NKAIN2: variants seen among roughly 807,000 people sequenced by gnomAD.
NKAIN2 encodes sodium/potassium-transporting ATPase subunit beta-1-interacting protein 2.
NKAIN2 carries 14 observed loss-of-function variants against 32.6 expected under a neutral mutation model. The observed-to-expected ratio is 0.43, with a 90% CI of 0.28 to 0.67. The LOEUF (loss-of-function observed/expected upper bound fraction) is 0.67, where lower values mean the gene tolerates loss of function less well. NKAIN2 is among the 30% of genes least tolerant of loss of function. The pLI, the probability that NKAIN2 is intolerant of heterozygous loss-of-function variation, is 0.17. For missense variants in NKAIN2, 198 were observed against 258.3 expected, an observed-to-expected ratio of 0.77 and a Z score of 1.60; for synonymous variants, 80 against 87.2, an observed-to-expected ratio of 0.92 and a Z score of 0.46.
At chr6:123,852,795 C>A (rs1775404954) in intron 1 of NKAIN2, among the ~76,000 whole-genome samples, 1 of 152,078 alleles carries the variant, frequency 6.6e-6, no homozygotes, top group Admixed American at 6.5e-5. Context: ...AAATCAAATT[C>A]TTCTTATCCC....
chr6:124,085,762 A>G (rs1376187872), intron 1 of NKAIN2, among the ~76,000 whole-genome samples: 2 of 151,898 alleles, frequency 1.3e-5, no homozygotes, highest in Non-Finnish European at 2.9e-5. Flanking sequence ...GAGCTCTGCA[A>G]TGTGTCTGGC....
At chr6:124,690,947 A>C (rs575288669) in intron 4 of NKAIN2, among the ~76,000 whole-genome samples, 8 of 152,092 alleles carry the variant, frequency 5.3e-5, no homozygotes, top group Non-Finnish European at 1.2e-4. Flanking sequence ...CATTCTCTCC[A>C]ATCTACCCTC....
intron 3 of NKAIN2, among the ~76,000 whole-genome samples, chr6:124,514,141 T>A (rs989610626): frequency 6.6e-6 from 1 of 152,202 alleles, no homozygotes; most frequent in African/African-American, 2.4e-5. Flanking sequence ...AAAACTGGCA[T>A]GGGAGATGAT....
At position 124,283,121 on chromosome 6, in the gene NKAIN2, T is replaced by C. The variant is rs765015580; in HGVS notation, c.171T>C (p.Tyr57=). The C allele has an allele frequency of 1.9e-6, 3 of 1,607,938 alleles. No individual in the cohort carries two copies. Among genetic ancestry groups the C allele is most frequent in the South Asian group, 1.1e-5 (1 of 90,926 alleles). ...VILGLFGTIQ[Y]RPRYITGYAV... ...TTGGTTTGTTTGGAACTATTCAATA[T>C]AGACCTCGTTACATAACAGGAGTAA... Residue 57 remains tyrosine (Y), a synonymous_variant, in exon 2 of 7, where the codon TAT becomes TAC. Coordinates refer to ENST00000368417, the MANE Select transcript of NKAIN2 (RefSeq NM_001040214.3).
At chr6:124,347,798 G>A (rs1025162268) in intron 2 of NKAIN2, among the ~76,000 whole-genome samples, 1 of 152,136 alleles carries the variant, frequency 6.6e-6, no homozygotes, top group Non-Finnish European at 1.5e-5. Flanking sequence ...CTGTAGCTCG[G>A]AGCAGTTTGA....
intron 4 of NKAIN2, among the ~76,000 whole-genome samples, chr6:124,733,496 A>T (rs541727909): frequency 4.6e-5 from 7 of 152,030 alleles, no homozygotes; most frequent in African/African-American, 1.4e-4. Context: ...GAAACTGTAC[A>T]TAAGCACTGT....
intron 4 of NKAIN2, among the ~76,000 whole-genome samples, chr6:124,747,143 G>A (rs957679589): frequency 1.3e-5 from 2 of 151,798 alleles, no homozygotes; most frequent in African/African-American, 2.4e-5. Context: ...TAATAGCCCT[G>A]TAAGTTTTGC....
Position 124,531,973 on chromosome 6 carries a change from T to G in NKAIN2, c.274-126213T>G, listed in dbSNP as rs112456271. Among the ~76,000 whole-genome samples, 483 of 152,276 alleles carry G rather than the reference T, an allele frequency of 3.2e-3. 2 individuals are homozygous for G. Among genetic ancestry groups the G allele is most frequent in the Non-Finnish European group, 5.3e-3 (362 of 68,010 alleles). Reference sequence around the variant, plus strand: ...GGCGTGAACCACCCAGCCTGGCCTATAAGTCACTTTTAAAGTCTCTGGTCT... The same window carrying G: ...GGCGTGAACCACCCAGCCTGGCCTAGAAGTCACTTTTAAAGTCTCTGGTCT... On this transcript the variant is annotated intron_variant, in intron 3 of 6. Coordinates refer to ENST00000368417, the MANE Select transcript of NKAIN2 (RefSeq NM_001040214.3).
intron 1 of NKAIN2, among the ~76,000 whole-genome samples, chr6:124,255,448 C>G (rs1223268054): frequency 1.3e-5 from 2 of 152,170 alleles, no homozygotes; most frequent in Non-Finnish European, 2.9e-5. Context: ...TACCTCCTCA[C>G]TCTGTAAAGA....
intron 3 of NKAIN2, among the ~76,000 whole-genome samples, chr6:124,410,325 G>A (rs186305547): frequency 1.3e-5 from 2 of 152,170 alleles, no homozygotes; most frequent in East Asian, 3.9e-4. Context: ...TCTCTTGTGG[G>A]CATTTAGTGC....
At chr6:124,080,595 C>A (rs1478073997) in intron 1 of NKAIN2, among the ~76,000 whole-genome samples, 1 of 152,048 alleles carries the variant, frequency 6.6e-6, no homozygotes, top group East Asian at 1.9e-4. Context: ...GACCAAAAAA[C>A]ATTGTACCAA....
chr6:124,095,879 A>G (rs984099711), intron 1 of NKAIN2, among the ~76,000 whole-genome samples: 2 of 152,200 alleles, frequency 1.3e-5, no homozygotes, highest in Non-Finnish European at 2.9e-5. Context: ...GAAGAATCAA[A>G]TCAAAGTTTC....
chr6:124,559,933 T>A (rs532988867), intron 3 of NKAIN2, among the ~76,000 whole-genome samples: 9 of 141,470 alleles, frequency 6.4e-5, no homozygotes, highest in African/African-American at 2.3e-4. Flanking sequence ...CTGATGCATC[T>A]GCCCACACTT....
Position 124,522,370 on chromosome 6 carries a change from T to C in NKAIN2, c.274-135816T>C, listed in dbSNP as rs944479469. On this transcript the variant is annotated intron_variant, in intron 3 of 6. Coordinates refer to ENST00000368417, the MANE Select transcript of NKAIN2 (RefSeq NM_001040214.3). ...GTTATACACATCATGATATTTGGTG[T>C]AATTCTTATAGGACTCCTTATAGGA... Among the ~76,000 whole-genome samples the C allele has an allele frequency of 2.0e-5, 3 of 152,226 alleles. No individual in the cohort carries two copies. In the East Asian group the frequency reaches 5.8e-4, roughly 29 times the overall value.
chr6:124,687,296 C>A (rs1257604904), intron 4 of NKAIN2, among the ~76,000 whole-genome samples: 3 of 136,958 alleles, frequency 2.2e-5, no homozygotes, highest in Non-Finnish European at 3.1e-5. Context: ...TATATATATT[C>A]TATATATAGA....
chr6:123,993,537 A>G (rs1033889648), intron 1 of NKAIN2, among the ~76,000 whole-genome samples: 10 of 152,180 alleles, frequency 6.6e-5, no homozygotes, highest in African/African-American at 2.4e-4. Context: ...CTTCTTTACC[A>G]TCTTTGAAAT....
chr6:123,843,875 C>G (rs1388351027), intron 1 of NKAIN2, among the ~76,000 whole-genome samples: 2 of 151,956 alleles, frequency 1.3e-5, no homozygotes, highest in Non-Finnish European at 2.9e-5. Context: ...TAGGAACAAC[C>G]CTAAGAAGAA....
intron 4 of NKAIN2, among the ~76,000 whole-genome samples, chr6:124,762,493 A>G (rs1037217330): frequency 6.6e-6 from 1 of 152,202 alleles, no homozygotes; most frequent in African/African-American, 2.4e-5. Flanking sequence ...TCTTCATAAG[A>G]GAGAAAAATA....
intron 3 of NKAIN2, among the ~76,000 whole-genome samples, chr6:124,379,336 G>A (rs145015977): frequency 0.012 from 1,705 of 138,274 alleles, 37 homozygotes; most frequent in African/African-American, 0.042. Flanking sequence ...GGAGGAGAGA[G>A]GGGAGTAAGG....
Sources: allele counts gnomAD v4.1 joint callset (sites outside exome capture counted in the v4.1 genomes callset), GRCh38; gene constraint gnomAD v4.1.1; transcripts MANE v1.5; gene names NCBI Gene and HGNC (gene_info 2026-07-23, HGNC 2026-07-21).